The following ABCG1 variants were observed in gnomAD, a reference collection of about 807,000 sequenced individuals.
ABCG1 encodes the protein ATP-binding cassette sub-family G member 1.
A neutral mutation model predicts 69.2 loss-of-function variants in ABCG1; 29 were observed. The observed-to-expected ratio is 0.42, with a 90% CI of 0.31 to 0.57. The LOEUF (loss-of-function observed/expected upper bound fraction) is 0.57, where lower values mean the gene tolerates loss of function less well. Ranked by LOEUF, ABCG1 falls within the 20% of genes least tolerant of loss-of-function variation. ABCG1 has a pLI of 0.15. For missense variants in ABCG1, 718 were observed against 898.1 expected (o/e 0.80, Z 2.56); for synonymous variants, 370 against 374.8 (o/e 0.99, Z 0.15).
intron 2 of ABCG1, among the ~76,000 whole-genome samples, chr21:42,269,250 G>A (rs964460789): frequency 2.0e-5 from 3 of 152,194 alleles, no homozygotes; most frequent in African/African-American, 4.8e-5. Flanking sequence ...GGGATATCGC[G>A]TGGGTCCCCG....
intron 2 of ABCG1, chr21:42,256,585 G>A (rs989549525): frequency 6.6e-7 from 1 of 1,525,952 alleles, no homozygotes; most frequent in African/African-American, 1.4e-5. Context: ...CCCATGAAGA[G>A]AAAGCAGTTC....
At chr21:42,223,398 G>T (rs935977612) in intron 1 of ABCG1, among the ~76,000 whole-genome samples, 2 of 151,902 alleles carry the variant, frequency 1.3e-5, no homozygotes, top group South Asian at 2.1e-4. Flanking sequence ...TATGCTTTCC[G>T]CCTGGCTCTT....
chr21:42,246,753 G>T lies in ABCG1; in HGVS notation c.286+20839G>T, dbSNP rs79207401. On this transcript the variant is annotated intron_variant, in intron 2 of 14. Transcript: ENST00000398449. ...CATAGATTAGAAACCCAAGGCGCAGGCTGAGATTTTTAGTTTAAAATAAAC... is the reference window on the plus strand; with the variant it reads ...CATAGATTAGAAACCCAAGGCGCAGTCTGAGATTTTTAGTTTAAAATAAAC... Among the ~76,000 whole-genome samples the T allele has an allele frequency of 3.0e-4, 45 of 152,272 alleles. No individual in the cohort carries two copies. The East Asian group carries it at 8.3e-3, about 28-fold the overall frequency.
Position 42,291,277 on chromosome 21 carries a change from G to A in ABCG1, c.1494+85G>A, listed in dbSNP as rs968330358. 18 of 1,248,118 alleles carry A rather than the reference G, an allele frequency of 1.4e-5. No individual in the cohort carries two copies. The African/African-American group carries it at 2.7e-4, about 19-fold the overall frequency. 77.3% of individuals were successfully genotyped at this position (1,248,118 alleles called of 1,614,324 possible). On this transcript the variant is annotated intron_variant, in intron 12 of 14. Transcript: ENST00000398449. This position sits in a 1 kb window ranked among gnomAD's most constrained non-coding sequence, Gnocchi z 6.4. Reference sequence around the variant, plus strand: ...ATATCGAGTAAGAGGACCTGCCAGGGATGCAGGGTGACATGGCCCGACTTC... The same window carrying A: ...ATATCGAGTAAGAGGACCTGCCAGGAATGCAGGGTGACATGGCCCGACTTC...
chr21:42,270,429 G>A (rs529506389), intron 2 of ABCG1, among the ~76,000 whole-genome samples: 7 of 152,126 alleles, frequency 4.6e-5, no homozygotes, highest in Admixed American at 6.5e-5. Context: ...CTCTCAGATG[G>A]AGACTTGGCA....
intron 5 of ABCG1, among the ~76,000 whole-genome samples, chr21:42,277,528 G>T (rs1194179321): frequency 6.6e-6 from 1 of 152,114 alleles, no homozygotes; most frequent in African/African-American, 2.4e-5. Flanking sequence ...GCAGAGCCAG[G>T]GGGAGCAGCA....
At chr21:42,228,217 T>C (rs779760262) in intron 2 of ABCG1, among the ~76,000 whole-genome samples, 5 of 152,052 alleles carry the variant, frequency 3.3e-5, no homozygotes, top group Non-Finnish European at 7.4e-5. Flanking sequence ...ACAGTAACCT[T>C]GTGTGCTCAG....
chr21:42,237,413 C>T (rs1374223458), intron 2 of ABCG1, among the ~76,000 whole-genome samples: 4 of 152,206 alleles, frequency 2.6e-5, no homozygotes, highest in African/African-American at 9.6e-5. Context: ...TCTCCCCAGG[C>T]TAGGGGAAGC....
At chr21:42,292,999 TACACACCACACACTACAC>T (rs2069103046) in intron 13 of ABCG1, among the ~76,000 whole-genome samples, 1 of 101,026 alleles carries the variant, frequency 9.9e-6, no homozygotes, top group Non-Finnish European at 2.0e-5. Flanking sequence ...CACTACACAG[TACACACCACACACTACAC>T]ACACACCACA....
intron 2 of ABCG1, among the ~76,000 whole-genome samples, chr21:42,205,259 A>ATCT (rs1368395894): frequency 6.6e-5 from 10 of 151,920 alleles, no homozygotes; most frequent in African/African-American, 2.4e-4. Context: ...AGTAATTTGT[A>ATCT]TCTTCTCTGT....
chr21:42,286,654 C>T (rs766475848), intron 8 of ABCG1, among the ~76,000 whole-genome samples: 15 of 152,094 alleles, frequency 9.9e-5, no homozygotes, highest in Non-Finnish European at 2.1e-4. Context: ...AGATCAGTAA[C>T]GGGTCACTAA....
At chr21:42,283,509 C>A (rs1265879740) in intron 6 of ABCG1, among the ~76,000 whole-genome samples, 1 of 152,206 alleles carries the variant, frequency 6.6e-6, no homozygotes, top group Non-Finnish European at 1.5e-5. Flanking sequence ...GGAGTAAAGC[C>A]CACCTGGGCT....
chr21:42,252,673 C>T (rs1184999114), intron 2 of ABCG1, among the ~76,000 whole-genome samples: 2 of 152,108 alleles, frequency 1.3e-5, no homozygotes, highest in African/African-American at 4.8e-5. Flanking sequence ...AGAAAAGGTG[C>T]TTGGAAGGAC....
intron 7 of ABCG1, 65 bp from the exon 8 acceptor site, chr21:42,285,815 G>A: frequency 9.3e-7 from 1 of 1,078,796 alleles, no homozygotes; most frequent in Non-Finnish European, 1.4e-6. Flanking sequence ...TTGATTGATT[G>A]AGGGCTCCGG....
intron 1 of ABCG1, among the ~76,000 whole-genome samples, chr21:42,223,547 C>G (rs1396078423): frequency 6.6e-6 from 1 of 152,146 alleles, no homozygotes; most frequent in Non-Finnish European, 1.5e-5. Flanking sequence ...AGAAGCACAG[C>G]TGAGCTTCTC....
intron 2 of ABCG1, among the ~76,000 whole-genome samples, chr21:42,253,825 G>A (rs555637389): frequency 6.6e-6 from 1 of 152,220 alleles, no homozygotes; most frequent in Admixed American, 6.5e-5. Flanking sequence ...CCTCCTTGGG[G>A]TCTGAGTGCC....
chr21:42,285,663 C>T (rs2068925613), intron 7 of ABCG1, among the ~76,000 whole-genome samples: 1 of 152,160 alleles, frequency 6.6e-6, no homozygotes, highest in South Asian at 2.1e-4. Context: ...TCAAATCATC[C>T]TGGCCGTGCG....
intron 3 of ABCG1, among the ~76,000 whole-genome samples, chr21:42,271,647 C>T (rs1321481126): frequency 2.0e-5 from 3 of 152,096 alleles, no homozygotes; most frequent in Non-Finnish European, 4.4e-5. Context: ...TTTGGGAGGC[C>T]GAGGTGGGCG....
At position 42,294,887 on chromosome 21, in the gene ABCG1, G is replaced by A. The variant is rs115987289; in HGVS notation, c.1772+227G>A. On this transcript the variant is annotated intron_variant, in intron 14 of 14. Transcript: ENST00000398449. ...CCACACAAACCAGCGCTTCACACCC[G>A]GAGAGCCATGGCAGGACCAAGTGTT... 2.1e-3 allele frequency: 1,111 copies of A among 522,792 alleles called. 8 individuals carry two copies. Among genetic ancestry groups the A allele is most frequent in the African/African-American group, 0.016 (817 of 52,070 alleles). 32.4% of individuals were successfully genotyped at this position (522,792 alleles called of 1,614,324 possible).
Sources: gnomAD v4.1 joint callset for allele counts (sites outside exome capture counted in the v4.1 genomes callset) on GRCh38, gnomAD v4.1.1 for gene constraint, Gnocchi (gnomAD v3.1) non-coding constraint, MANE v1.5 for transcripts, NCBI Gene and HGNC (gene_info 2026-07-23, HGNC 2026-07-21) for gene names.